Variants in KRT80 observed in about 807,000 individuals in gnomAD.
The protein encoded by KRT80 is keratin 80, also known as keratin, type II cytoskeletal 80.
A neutral mutation model predicts 51.5 loss-of-function variants in KRT80; 36 were observed. That is an observed-to-expected ratio of 0.70 (90% CI 0.54 to 0.92). The LOEUF is 0.92. Among genes scored for constraint, KRT80 ranks in the 40% least tolerant of loss-of-function variants. The pLI is 0.00. For synonymous variants in KRT80, 235 were observed against 248.3 expected (o/e 0.95, Z 0.50); for missense variants, 566 against 591.7 (o/e 0.96, Z 0.45).
Position 52,191,849 on chromosome 12 carries a change from C to A in KRT80, c.54G>T (p.Val18=). 4 of 1,550,982 alleles carry A rather than the reference C, an allele frequency of 2.6e-6. No individual in the cohort carries two copies. The South Asian group carries it at 3.5e-5, about 14-fold the overall frequency. The change falls in exon 1 of 9, where the codon GTG becomes GTT. Residue 18 remains valine, a synonymous_variant. Coordinates refer to ENST00000394815, the MANE Select transcript of KRT80 (RefSeq NM_182507.3). The part of the protein sequence containing the change: ...VGFSSLSSCE[V]TPVGSPRPGT... ...CAGGCCGGGGGCTGCCCACCGGGGT[C>A]ACCTCACAGCTGCTGAGGCTGCTGA...
intron 6 of KRT80, 85 bp downstream of exon 6, chr12:52,172,953 T>A: frequency 6.7e-7 from 1 of 1,481,536 alleles, no homozygotes; most frequent in South Asian, 1.3e-5. Context: ...GGTCACTCAG[T>A]CATGTCTTGC....
intron 4 of KRT80, 40 bp from the exon 5 acceptor site, chr12:52,173,804 A>T (rs376848941): frequency 3.1e-6 from 5 of 1,593,320 alleles, no homozygotes; most frequent in Non-Finnish European, 3.4e-6. Context: ...GCTGGTGGGG[A>T]GGGCACAAGG....
At chr12:52,187,121 A>G (rs1941419095) in intron 1 of KRT80, among the ~76,000 whole-genome samples, 1 of 152,236 alleles carries the variant, frequency 6.6e-6, no homozygotes, top group African/African-American at 2.4e-5. Flanking sequence ...CCATGAGGGC[A>G]GGCCATGAGG....
chr12:52,181,558 C>T (rs1254141448), intron 2 of KRT80, among the ~76,000 whole-genome samples: 1 of 152,204 alleles, frequency 6.6e-6, no homozygotes, highest in East Asian at 1.9e-4. Flanking sequence ...TGGCTTCCTG[C>T]CTCTAAGGGG....
intron 1 of KRT80, among the ~76,000 whole-genome samples, chr12:52,190,224 G>GATTCCCAC (rs1273082387): frequency 6.6e-6 from 1 of 152,202 alleles, no homozygotes; most frequent in African/African-American, 2.4e-5. Flanking sequence ...GGAAAGAAAA[G>GATTCCCAC]ATTCCCACCA....
At chr12:52,188,464 G>A (rs975485015) in intron 1 of KRT80, among the ~76,000 whole-genome samples, 3 of 152,210 alleles carry the variant, frequency 2.0e-5, no homozygotes, top group Non-Finnish European at 4.4e-5. Context: ...GAGGCTGCAG[G>A]TCTTACAGGG....
At chr12:52,184,041 C>T (rs748417832) in intron 2 of KRT80, among the ~76,000 whole-genome samples, 1 of 151,750 alleles carries the variant, frequency 6.6e-6, no homozygotes, top group African/African-American at 2.4e-5. Flanking sequence ...TGTGTGTTTC[C>T]CTAGGCCTGG....
At chr12:52,181,602 A>G (rs1941321825) in intron 2 of KRT80, among the ~76,000 whole-genome samples, 1 of 152,158 alleles carries the variant, frequency 6.6e-6, no homozygotes, top group African/African-American at 2.4e-5. Context: ...GGGGCTGACA[A>G]ACCCACCCCT....
chr12:52,173,678 G>A lies in KRT80; in HGVS notation c.753C>T (p.Ile251=), dbSNP rs746844184. Residue 251 remains isoleucine, a synonymous_variant, in exon 5 of 9, where the codon ATC becomes ATT. Transcript: ENST00000394815. ...DSRCHIDLSG[I]VEEVKAQYDA... ...CATACTGGGCCTTCACCTCCTCCAC[G>A]ATGCCGCTCAGGTCGATGTGGCAGC... 6.8e-6 allele frequency: 11 copies of A among 1,612,944 alleles called. No homozygotes were observed. Among genetic ancestry groups the A allele is most frequent in the Non-Finnish European group, 7.6e-6 (9 of 1,180,034 alleles).
rs750133491 is a variant in KRT80, at chr12:52,185,555, C to T, written c.333G>A (p.Leu111=). ...CCTGCAGGAAGCTCCAGCGTGTCTC[C>T]AGCAGCTGGTTGCGCTGTTCCAGGG... is the stretch of plus-strand genomic sequence containing the variant. ...VQALEQRNQL[L]ETRWSFLQGQ... The change falls in exon 2 of 9, where the codon CTG becomes CTA. Residue 111 remains leucine, a synonymous_variant. Coordinates refer to ENST00000394815, the MANE Select transcript of KRT80 (RefSeq NM_182507.3). 16 of 1,611,580 alleles carry T rather than the reference C, an allele frequency of 9.9e-6. No individual in the cohort carries two copies. Among genetic ancestry groups the T allele is most frequent in the South Asian group, 9.9e-5 (9 of 91,084 alleles).
rs61749462 is a variant in KRT80, at chr12:52,172,286, G to A, written c.1090C>T (p.Arg364Cys). The change falls in exon 7 of 9, where the codon CGC (arginine) becomes TGC (cysteine). Residue 364 changes from arginine to cysteine, a missense_variant. Transcript: ENST00000394815. ...ACGTTCATCAGCTCCTGGTACTTGC[G>A]CAGCTGCCGCGCCATGTCCTGCTTG... ...QAKQDMARQL[R>C]KYQELMNVKL... 5.0e-6 allele frequency: 8 copies of A among 1,613,826 alleles called. No individual in the cohort carries two copies. Among genetic ancestry groups the A allele is most frequent in the East Asian group, 2.2e-5 (1 of 44,888 alleles).
chr12:52,173,550 C>G, intron 5 of KRT80, 50 bp downstream of exon 5: 1 of 1,587,064 alleles, frequency 6.3e-7, no homozygotes, highest in Non-Finnish European at 8.6e-7. Context: ...CTTCCTGCCA[C>G]CCAGAGAACT....
At chr12:52,182,063 C>T (rs969550030) in intron 2 of KRT80, among the ~76,000 whole-genome samples, 5 of 152,200 alleles carry the variant, frequency 3.3e-5, no homozygotes, top group South Asian at 2.1e-4. Flanking sequence ...GGGGCGTGGA[C>T]CCAATGGCAG....
At position 52,191,969 on chromosome 12, in the gene KRT80, G is replaced by A; in HGVS notation, c.-67C>T. On this transcript the variant is annotated 5_prime_UTR_variant, in exon 1 of 9. Coordinates refer to ENST00000394815, the MANE Select transcript of KRT80 (RefSeq NM_182507.3). ...GAGTGAGCCTGGGGTTGCGTCGGGT[G>A]GCAGGCTCTGGTTGCTCTGGTCACA... 1 of 1,365,838 alleles carries A rather than the reference G, an allele frequency of 7.3e-7. No individual in the cohort carries two copies. The highest frequency in any genetic ancestry group is 9.6e-7 in the Non-Finnish European group (1 of 1,037,460). 84.6% of individuals were successfully genotyped at this position (1,365,838 alleles called of 1,614,324 possible).
chr12:52,191,792 G>C lies in KRT80; in HGVS notation c.111C>G (p.Pro37=). 1 of 1,609,058 alleles carries C rather than the reference G, an allele frequency of 6.2e-7. No homozygotes were observed. Among genetic ancestry groups the C allele is most frequent in the Non-Finnish European group, 8.5e-7 (1 of 1,177,902 alleles). The stretch of plus-strand genomic sequence containing the variant: ...GGCTGCGGGAGCTGAAGCCCGGCCC[G>C]GGGGCCCTGCAGCTGTCCCATCCTG... ...GTSGWDSCRA[P]GPGFSSRSLT... The change falls in exon 1 of 9, where the codon CCC becomes CCG. Residue 37 remains proline (P), a synonymous_variant. Transcript: ENST00000394815.
Position 52,173,169 on chromosome 12 carries a change from G to C in KRT80, c.832-6C>G, listed in dbSNP as rs780952420. 5.4e-5 allele frequency: 86 copies of C among 1,603,680 alleles called. No homozygotes were observed. Among genetic ancestry groups the C allele is most frequent in the Non-Finnish European group, 7.0e-5 (82 of 1,175,194 alleles). ...CGGGCGGCCTGCTCCTCCAGCTGGA[G>C]GTACATGGAGGTCTCAGTGAGGGGC... On this transcript the variant is annotated splice_region_variant and splice_polypyrimidine_tract_variant and intron_variant, in intron 5 of 8. Transcript: ENST00000394815.
chr12:52,180,654 T>C, intron 3 of KRT80, 46 bp from the exon 4 acceptor site: 1 of 1,552,036 alleles, frequency 6.4e-7, no homozygotes, highest in South Asian at 1.3e-5. Context: ...GAATGGAGGG[T>C]CCCAGGGCAG....
At position 52,170,078 on chromosome 12, in the gene KRT80, G is replaced by C. The variant is rs965286675; in HGVS notation, c.*1320C>G. On this transcript the variant is annotated 3_prime_UTR_variant, in exon 9 of 9. Transcript: ENST00000394815. ...ATGCCTCTGCAAGCCTCAGCATTGAGAGCCAAGAGGAGGAGATAGGAGTAT... is the reference window on the plus strand; with the variant it reads ...ATGCCTCTGCAAGCCTCAGCATTGACAGCCAAGAGGAGGAGATAGGAGTAT... 2 of 152,450 alleles carry C rather than the reference G, an allele frequency of 1.3e-5. No homozygotes were observed. Among genetic ancestry groups the C allele is most frequent in the Admixed American group, 1.3e-4 (2 of 15,296 alleles). 9.4% of individuals were successfully genotyped at this position (152,450 alleles called of 1,614,324 possible).
chr12:52,173,028 A>G lies in KRT80; in HGVS notation c.957+10T>C, dbSNP rs1310521733. On this transcript the variant is annotated intron_variant, in intron 6 of 8. Transcript: ENST00000394815. ...CTCCCCGCCCCCAGGCGCGTCCCCC[A>G]GATACTCACATGGCTCTTGACAGAG... 8 of 1,600,290 alleles carry G rather than the reference A, an allele frequency of 5.0e-6. No individual in the cohort carries two copies. The highest frequency in any genetic ancestry group is 1.3e-5 in the African/African-American group (1 of 74,474).
Sources: allele counts gnomAD v4.1 joint callset (sites outside exome capture counted in the v4.1 genomes callset), GRCh38; gene constraint gnomAD v4.1.1; transcripts MANE v1.5; gene names NCBI Gene and HGNC (gene_info 2026-07-23, HGNC 2026-07-21).